The following CDCA7L variants were observed in gnomAD, a reference collection of about 807,000 sequenced individuals.
CDCA7L encodes the protein cell division cycle associated 7 like.
A neutral mutation model predicts 57.4 loss-of-function variants in CDCA7L; 44 were observed. The ratio of observed to expected loss-of-function variants is 0.77; its 90% confidence interval spans 0.60 to 0.98. The LOEUF is 0.98. Among genes scored for constraint, CDCA7L ranks in the 50% least tolerant of loss-of-function variants. The pLI is 0.00. For synonymous variants in CDCA7L, 236 were observed against 202.8 expected (o/e 1.16, Z -1.39); for missense variants, 644 against 580.6 (o/e 1.11, Z -1.12).
At chr7:21,938,614 T>C (rs915472086) in intron 1 of CDCA7L, among the ~76,000 whole-genome samples, 5 of 152,214 alleles carry the variant, frequency 3.3e-5, no homozygotes, top group Non-Finnish European at 5.9e-5. Flanking sequence ...TGTTTATTCA[T>C]TGGTATTTAC....
At chr7:21,935,533 A>G (rs564287562) in intron 1 of CDCA7L, among the ~76,000 whole-genome samples, 6 of 152,130 alleles carry the variant, frequency 3.9e-5, no homozygotes, top group South Asian at 4.1e-4. Context: ...AAAGATTAAA[A>G]CAGATATGAA....
rs557286550 is a variant in CDCA7L, at chr7:21,911,006, A to ATTTTT, written c.303+606_303+610dup. Among the ~76,000 whole-genome samples the ATTTTT allele has an allele frequency of 5.3e-4, 44 of 82,532 alleles. 3 individuals carry two copies. Among genetic ancestry groups the ATTTTT allele is most frequent in the African/African-American group, 8.3e-4 (14 of 16,892 alleles). The allele number at this position is 82,532 out of a possible 152,430, so 54.1% of individuals were successfully genotyped here. On this transcript the variant is annotated intron_variant, in intron 3 of 9. Coordinates refer to ENST00000406877, the MANE Select transcript of CDCA7L (RefSeq NM_018719.5). ...AGAGGTTTAAGGAACTCTTGAGATA[A>ATTTTT]TTTTTTTTTTTTTTTTTTTTTTTTT...
At position 21,902,091 on chromosome 7, in the gene CDCA7L, G is replaced by GTT; in HGVS notation, c.*229_*230dup. 1 of 523,614 alleles carries GTT rather than the reference G, an allele frequency of 1.9e-6. No homozygotes were observed. Among genetic ancestry groups the GTT allele is most frequent in the South Asian group, 3.0e-5 (1 of 33,154 alleles). 32.4% of individuals were successfully genotyped at this position (523,614 alleles called of 1,614,324 possible). A position where few individuals can be genotyped will look rare whatever the true frequency, so the allele number is the denominator to read the frequency against. The stretch of plus-strand genomic sequence containing the variant: ...ATAACTGGCAGATATTTTTAACAAA[G>GTT]TTCAGCATACAGACAGGTCTGTGCA... On this transcript the variant is annotated 3_prime_UTR_variant, in exon 10 of 10. Coordinates refer to ENST00000406877, the MANE Select transcript of CDCA7L (RefSeq NM_018719.5).
chr7:21,936,312 A>G (rs1047210155), intron 1 of CDCA7L, among the ~76,000 whole-genome samples: 1 of 152,204 alleles, frequency 6.6e-6, no homozygotes, highest in South Asian at 2.1e-4. Context: ...AAGGAGGAAC[A>G]CTTGAAACTC....
At position 21,908,473 on chromosome 7, in the gene CDCA7L, G is replaced by A; in HGVS notation, c.338C>T (p.Ala113Val). 6.5e-7 allele frequency: 1 copy of A among 1,543,788 alleles called. No homozygotes were observed. Among genetic ancestry groups the A allele is most frequent in the Non-Finnish European group, 8.7e-7 (1 of 1,152,624 alleles). Residue 113 changes from alanine to valine, a missense_variant, in exon 4 of 10, where the codon GCA becomes GTA. Transcript: ENST00000406877. Reference protein sequence around the residue: ...VESDLSDDGKASLVSEEEEDE... With the variant: ...VESDLSDDGKVSLVSEEEEDE... Reference sequence around the variant, plus strand: ...TTCCTCTTCCTCGCTCACCAAAGATGCTTTGCCATCATCACTCAAATCTGA... The same window carrying A: ...TTCCTCTTCCTCGCTCACCAAAGATACTTTGCCATCATCACTCAAATCTGA...
chr7:21,936,013 GAATA>G (rs56010183), intron 1 of CDCA7L, among the ~76,000 whole-genome samples: 14 of 151,366 alleles, frequency 9.2e-5, no homozygotes, highest in Non-Finnish European at 1.6e-4. Context: ...GTCTCAAAAT[GAATA>G]AATAAATAAA....
chr7:21,903,978 T>TAAGATACAAATGGAAGGGAAAAACC, intron 8 of CDCA7L, 132 bp downstream of exon 8: 2 of 803,302 alleles, frequency 2.5e-6, no homozygotes, highest in Non-Finnish European at 3.6e-6. Context: ...CCTGGAGCCT[T>TAAGATACAAATGGAAGGGAAAAACC]AAGATACAAA....
Position 21,903,116 on chromosome 7 carries a change from T to TAACA in CDCA7L, c.1198-6_1198-3dup, listed in dbSNP as rs1031608058. On this transcript the variant is annotated splice_polypyrimidine_tract_variant and splice_region_variant and intron_variant, in intron 8 of 9. Coordinates refer to ENST00000406877, the MANE Select transcript of CDCA7L (RefSeq NM_018719.5). ...ACGACAGGGGGGACACACCCAATCC[T>TAACA]AACAGAGAGATGACAGCAGACACTT... The TAACA allele has an allele frequency of 6.2e-7, 1 of 1,612,644 alleles. No homozygotes were observed. The highest frequency in any genetic ancestry group is 2.2e-5 in the East Asian group (1 of 44,870).
intron 2 of CDCA7L, among the ~76,000 whole-genome samples, chr7:21,913,581 G>C (rs1047086063): frequency 6.6e-6 from 1 of 152,220 alleles, no homozygotes; most frequent in Non-Finnish European, 1.5e-5. Flanking sequence ...CTCAGTGCAA[G>C]AAACATCTGG....
Position 21,901,164 on chromosome 7 carries a change from C to T in CDCA7L, c.*1158G>A, listed in dbSNP as rs769884268. ...CTGTGTATAGAACCAAACTGAGAGG[C>T]CCCAGCTACATCTGGACCTTCAGGC... On this transcript the variant is annotated 3_prime_UTR_variant, in exon 10 of 10. Transcript: ENST00000406877. 3 of 1,611,864 alleles carry T rather than the reference C, an allele frequency of 1.9e-6. No homozygotes were observed. The highest frequency in any genetic ancestry group is 1.1e-5 in the South Asian group (1 of 91,066).
In CDCA7L at chr7:21,902,978, C is replaced by T. The variant is rs1359449685; in HGVS notation, c.1334G>A (p.Ser445Asn). 1 of 1,613,380 alleles carries T rather than the reference C, an allele frequency of 6.2e-7. No homozygotes were observed. Among genetic ancestry groups the T allele is most frequent in the Non-Finnish European group, 8.5e-7 (1 of 1,179,648 alleles). The change falls in exon 9 of 10, where the codon AGC (serine) becomes AAC (asparagine). Residue 445 changes from serine (S) to asparagine (N), a missense_variant and splice_region_variant. Coordinates refer to ENST00000406877, the MANE Select transcript of CDCA7L (RefSeq NM_018719.5). ...TGTAAGCTGCTAGAGACTTACTTACCTCTCCAGATATTCCTTAACATTGTC... is the reference window on the plus strand; with the variant it reads ...TGTAAGCTGCTAGAGACTTACTTACTTCTCCAGATATTCCTTAACATTGTC... ...GYDNVKEYLE[S>N]LQKELVEDN is the part of the protein sequence containing the mutation.
intron 1 of CDCA7L, among the ~76,000 whole-genome samples, chr7:21,923,673 T>C (rs1173717148): frequency 2.0e-5 from 3 of 152,182 alleles, no homozygotes; most frequent in African/African-American, 7.2e-5. Context: ...GAGGTTCAGA[T>C]ACATCATTGT....
rs1784931231 is a variant in CDCA7L, at chr7:21,902,311, T to C, written c.*11A>G. The C allele has an allele frequency of 1.2e-6, 2 of 1,613,346 alleles. No homozygotes were observed. The highest frequency in any genetic ancestry group is 1.7e-6 in the Non-Finnish European group (2 of 1,179,438). ...TCTATGGTGAGGTGGCTGGTTCTGT[T>C]TGTTTTCCTCTTAATTGTCTTCTAC... is the stretch of plus-strand genomic sequence containing the variant. On this transcript the variant is annotated 3_prime_UTR_variant, in exon 10 of 10. Coordinates refer to ENST00000406877, the MANE Select transcript of CDCA7L (RefSeq NM_018719.5).
At chr7:21,907,708 A>AGT (rs1785183095) in intron 4 of CDCA7L, among the ~76,000 whole-genome samples, 1 of 152,106 alleles carries the variant, frequency 6.6e-6, no homozygotes, top group Non-Finnish European at 1.5e-5. Context: ...ACCATAGAAG[A>AGT]GTGGTTCTGT....
chr7:21,903,230 A>C (rs565230189), intron 8 of CDCA7L, 116 bp from the exon 9 acceptor site: 1 of 971,234 alleles, frequency 1.0e-6, no homozygotes, highest in African/African-American at 1.6e-5. Flanking sequence ...ATCACATGGC[A>C]TCTTTCAGTC....
intron 1 of CDCA7L, among the ~76,000 whole-genome samples, chr7:21,928,638 C>G (rs111315368): frequency 1.3e-5 from 2 of 151,642 alleles, no homozygotes; most frequent in African/African-American, 2.4e-5. Flanking sequence ...AAACACAGCA[C>G]GAAAACTTCA....
chr7:21,943,215 C>CT (rs1786400542), intron 1 of CDCA7L, among the ~76,000 whole-genome samples: 1 of 152,198 alleles, frequency 6.6e-6, no homozygotes, highest in Admixed American at 6.5e-5. Context: ...AGACTACAGC[C>CT]TGGGGGAAGC....
intron 1 of CDCA7L, among the ~76,000 whole-genome samples, chr7:21,943,144 C>T (rs1324729014): frequency 4.6e-5 from 7 of 152,210 alleles, no homozygotes; most frequent in Non-Finnish European, 1.0e-4. Flanking sequence ...ACACCCTTGC[C>T]TTTACGAGCT....
In CDCA7L at chr7:21,905,547, C is replaced by T. The variant is rs925547232; in HGVS notation, c.1006G>A (p.Val336Ile). 1.9e-6 allele frequency: 3 copies of T among 1,614,036 alleles called. No individual in the cohort carries two copies. Among genetic ancestry groups the T allele is most frequent in the Admixed American group, 3.3e-5 (2 of 60,024 alleles). ...ATTTTATCTCGAACAGTTATGGCAA[C>T]ATTTTCTAAGTCCTCTTCGGTGATA... The part of the protein sequence containing the change: ...EDITEEDLEN[V>I]AITVRDKIYD... Residue 336 changes from valine (V) to isoleucine (I), a missense_variant, in exon 7 of 10, where the codon GTT (valine) becomes ATT (isoleucine). Val to Ile is a conservative substitution (Grantham distance 29, BLOSUM62 3). Coordinates refer to ENST00000406877, the MANE Select transcript of CDCA7L (RefSeq NM_018719.5).
Sources: allele counts gnomAD v4.1 joint callset (sites outside exome capture counted in the v4.1 genomes callset), GRCh38; gene constraint gnomAD v4.1.1; transcripts MANE v1.5; gene names NCBI Gene and HGNC (gene_info 2026-07-23, HGNC 2026-07-21).